The following PTPN4 variants were observed in gnomAD, a reference collection of about 807,000 sequenced individuals.
PTPN4 encodes tyrosine-protein phosphatase non-receptor type 4.
In PTPN4, 49 loss-of-function variants were observed where a neutral mutation model predicts 135.5. The ratio of observed to expected loss-of-function variants is 0.36; its 90% confidence interval spans 0.29 to 0.46. PTPN4 has a LOEUF of 0.46. Ranked by LOEUF, PTPN4 falls within the 20% of genes least tolerant of loss-of-function variation. PTPN4 has a pLI of 1.00. For missense variants in PTPN4, 860 were observed against 1,101.0 expected, an observed-to-expected ratio of 0.78 and a Z score of 3.10; for synonymous variants, 333 against 369.9, an observed-to-expected ratio of 0.90 and a Z score of 1.14.
chr2:119,871,535 A>G (rs988428524), intron 3 of PTPN4, among the ~76,000 whole-genome samples: 19 of 152,180 alleles, frequency 1.2e-4, no homozygotes, highest in African/African-American at 4.1e-4. Flanking sequence ...GGGTGTCTGC[A>G]CTAAGTTCAG....
At chr2:119,938,278 T>A (rs1679014358) in intron 15 of PTPN4, among the ~76,000 whole-genome samples, 1 of 151,670 alleles carries the variant, frequency 6.6e-6, no homozygotes, top group Non-Finnish European at 1.5e-5. Flanking sequence ...CAGGCGCCCG[T>A]CACCACACCC....
intron 2 of PTPN4, among the ~76,000 whole-genome samples, chr2:119,850,423 T>C (rs1480215127): frequency 1.3e-5 from 2 of 152,190 alleles, no homozygotes; most frequent in Admixed American, 1.3e-4. Flanking sequence ...CCTGCAGGCT[T>C]TGGGTGGAGG....
intron 18 of PTPN4, among the ~76,000 whole-genome samples, chr2:119,947,869 T>G (rs1679159430): frequency 6.6e-6 from 1 of 152,086 alleles, no homozygotes; most frequent in African/African-American, 2.4e-5. Flanking sequence ...TCAATCCATG[T>G]AGTAGGATGT....
intron 2 of PTPN4, among the ~76,000 whole-genome samples, chr2:119,853,560 T>C (rs1677629064): frequency 6.6e-6 from 1 of 152,078 alleles, no homozygotes; most frequent in South Asian, 2.1e-4. Context: ...CTTATCTACT[T>C]TTAGAGACCT....
At chr2:119,970,670 G>T (rs1443324000) in intron 26 of PTPN4, among the ~76,000 whole-genome samples, 1 of 152,092 alleles carries the variant, frequency 6.6e-6, no homozygotes, top group Non-Finnish European at 1.5e-5. Context: ...ATATTTCATT[G>T]TGTATATTTT....
intron 26 of PTPN4, among the ~76,000 whole-genome samples, chr2:119,972,040 T>C (rs1340614865): frequency 1.3e-5 from 2 of 152,250 alleles, no homozygotes; most frequent in Non-Finnish European, 2.9e-5. Flanking sequence ...TCATCATTAC[T>C]GTAGCTTTGT....
intron 9 of PTPN4, among the ~76,000 whole-genome samples, chr2:119,895,250 A>G (rs1678301828): frequency 6.6e-6 from 1 of 152,232 alleles, no homozygotes; most frequent in African/African-American, 2.4e-5. Context: ...GTGTAAAATT[A>G]ATGTTGTTCT....
In PTPN4 at chr2:119,956,096, T is replaced by G. The variant is rs1679277503; in HGVS notation, c.1981-748T>G. On this transcript the variant is annotated intron_variant, in intron 20 of 26. Coordinates refer to ENST00000263708, the MANE Select transcript of PTPN4 (RefSeq NM_002830.4). ...TTGAAAACTGGAAAAACCAAAACTT[T>G]CAGACAGATCATTATATCCAATGAA... Among the ~76,000 whole-genome samples the G allele has an allele frequency of 2.0e-5, 3 of 152,186 alleles. No homozygotes were observed. In the South Asian group the frequency reaches 6.2e-4, roughly 32 times the overall value.
intron 5 of PTPN4, among the ~76,000 whole-genome samples, chr2:119,881,581 A>G (rs1233682564): frequency 2.0e-5 from 3 of 152,246 alleles, no homozygotes; most frequent in Non-Finnish European, 2.9e-5. Flanking sequence ...TCGAAATACA[A>G]ATTTCATACA....
chr2:119,906,349 A>G (rs1025335791), intron 10 of PTPN4, among the ~76,000 whole-genome samples: 49 of 152,250 alleles, frequency 3.2e-4, no homozygotes, highest in African/African-American at 1.1e-3. Flanking sequence ...GAAAAGACAG[A>G]AAAAAACTAC....
At chr2:119,940,156 A>G (rs899292296) in intron 15 of PTPN4, among the ~76,000 whole-genome samples, 1 of 152,144 alleles carries the variant, frequency 6.6e-6, no homozygotes, top group Non-Finnish European at 1.5e-5. Context: ...ATCACATGAC[A>G]TTGTCAGTTC....
rs114420098 is a variant in PTPN4 at position 119,940,413 on chromosome 2, G to T, written c.1356-4668G>T. Reference sequence around the variant, plus strand: ...GACTAGAATAACAGTAGTGGTTATAGTTAAATAAGACATGTTCTCTTGATC... The same window carrying T: ...GACTAGAATAACAGTAGTGGTTATATTTAAATAAGACATGTTCTCTTGATC... On this transcript the variant is annotated intron_variant, in intron 15 of 26. Coordinates refer to ENST00000263708, the MANE Select transcript of PTPN4 (RefSeq NM_002830.4). Among the ~76,000 whole-genome samples the T allele has an allele frequency of 6.0e-3, 920 of 152,292 alleles. 4 individuals carry two copies. Among genetic ancestry groups the T allele is most frequent in the African/African-American group, 0.02 (824 of 41,560 alleles).
At chr2:119,954,747 A>G (rs1490153848) in intron 19 of PTPN4, among the ~76,000 whole-genome samples, 1 of 152,164 alleles carries the variant, frequency 6.6e-6, no homozygotes, top group Non-Finnish European at 1.5e-5. Flanking sequence ...AAAGAGGATG[A>G]AGCATATTTT....
intron 11 of PTPN4, 96 bp downstream of exon 11, chr2:119,915,338 G>T: frequency 9.7e-7 from 1 of 1,028,968 alleles, no homozygotes; most frequent in Non-Finnish European, 1.4e-6. Context: ...AAGTGAAAGT[G>T]CAATTAATAC....
Position 119,920,131 on chromosome 2 carries a change from G to C in PTPN4, c.891G>C (p.Leu297Phe), listed in dbSNP as rs200141251. ...NMVNYRACKN[L>F]WKACVEHHTF... Reference sequence around the variant, plus strand: ...TGAATTACAGAGCATGTAAAAATTTGTGGAAAGCATGTGTAGAACATCACA... The same window carrying C: ...TGAATTACAGAGCATGTAAAAATTTCTGGAAAGCATGTGTAGAACATCACA... Residue 297 changes from leucine (L) to phenylalanine (F), a missense_variant, in exon 12 of 27, where the codon TTG becomes TTC. This residue lies in a region of PTPN4 where 684 missense variants were observed against 807.0 expected (regional missense o/e 0.85). Coordinates refer to ENST00000263708, the MANE Select transcript of PTPN4 (RefSeq NM_002830.4). The C allele has an allele frequency of 6.2e-7, 1 of 1,613,200 alleles. No homozygotes were observed. The highest frequency in any genetic ancestry group is 2.2e-5 in the East Asian group (1 of 44,806).
chr2:119,829,604 C>A (rs572484636), intron 2 of PTPN4, among the ~76,000 whole-genome samples: 1 of 152,264 alleles, frequency 6.6e-6, no homozygotes, highest in Non-Finnish European at 1.5e-5. Context: ...GCTTATTTCA[C>A]TTAGCTTAAT....
chr2:119,875,143 ATATAT>A (rs1347873497), intron 3 of PTPN4, among the ~76,000 whole-genome samples: 1 of 151,864 alleles, frequency 6.6e-6, no homozygotes, highest in East Asian at 1.9e-4. Context: ...GAACTTGTTT[ATATAT>A]TATGTTTTTT....
At chr2:119,859,429 A>C (rs1180939653) in intron 2 of PTPN4, among the ~76,000 whole-genome samples, 1 of 152,140 alleles carries the variant, frequency 6.6e-6, no homozygotes, top group Non-Finnish European at 1.5e-5. Context: ...TACTTTTTAA[A>C]TTTTGGTCAG....
Position 119,955,336 on chromosome 2 carries a change from A to G in PTPN4, c.1980+13A>G. On this transcript the variant is annotated intron_variant, in intron 20 of 26. Coordinates refer to ENST00000263708, the MANE Select transcript of PTPN4 (RefSeq NM_002830.4). ...GACACAGTTTGATGTAAGTAATATC[A>G]TTATATATTAAAAGCATTTTGCTGA... 1.3e-6 allele frequency: 2 copies of G among 1,542,348 alleles called. No individual in the cohort carries two copies. The highest frequency in any genetic ancestry group is 4.6e-5 in the East Asian group (2 of 43,166).
Sources: allele counts gnomAD v4.1 joint callset (sites outside exome capture counted in the v4.1 genomes callset), GRCh38; gene constraint gnomAD v4.1.1; regional missense constraint gnomAD v4.1.1; transcripts MANE v1.5; gene names NCBI Gene and HGNC (gene_info 2026-07-23, HGNC 2026-07-21).